ATF7IP: variants seen among roughly 807,000 people sequenced by gnomAD.
ATF7IP encodes the protein activating transcription factor 7-interacting protein 1.
ATF7IP carries 23 observed loss-of-function variants against 106.4 expected under a neutral mutation model. The observed-to-expected ratio is 0.22, with a 90% CI of 0.16 to 0.31. The LOEUF is 0.31. ATF7IP is among the 10% of genes least tolerant of loss of function. The probability of loss-of-function intolerance (pLI) is 1.00; values close to 1 mark genes in which losing one functional copy is unlikely to be tolerated. For synonymous variants in ATF7IP, 542 were observed against 539.0 expected, an observed-to-expected ratio of 1.01 and a Z score of -0.08; for missense variants, 1,334 against 1,524.3, an observed-to-expected ratio of 0.88 and a Z score of 2.08.
intron 2 of ATF7IP, among the ~76,000 whole-genome samples, chr12:14,432,117 T>TGAC (rs1942169421): frequency 2.6e-5 from 4 of 152,164 alleles, no homozygotes; most frequent in African/African-American, 9.7e-5. Context: ...CTAACATGCG[T>TGAC]ATAAAAGAGG....
At chr12:14,474,879 T>G (rs991448488) in intron 10 of ATF7IP, among the ~76,000 whole-genome samples, 5 of 152,326 alleles carry the variant, frequency 3.3e-5, no homozygotes, top group Middle Eastern at 3.4e-3. Flanking sequence ...TGATGATTTT[T>G]GGGATCTTTT....
rs2136812290 is a variant in ATF7IP at position 14,481,112 on chromosome 12, A to G, written c.3207A>G (p.Ala1069=). Residue 1069 remains alanine, a synonymous_variant, in exon 13 of 15, where the codon GCA becomes GCG. Coordinates refer to ENST00000261168, the MANE Select transcript of ATF7IP (RefSeq NM_018179.5). ...AGGTGGTTTATACAACTCTTCCTGC[A>G]CCACCAGCTCAGGCTCCCTTGCGAG... The part of the protein sequence containing the change: ...NHQVVYTTLP[A]PPAQAPLRGT... 2 of 1,614,046 alleles carry G rather than the reference A, an allele frequency of 1.2e-6. No individual in the cohort carries two copies. Among genetic ancestry groups the G allele is most frequent in the African/African-American group, 1.3e-5 (1 of 75,034 alleles).
chr12:14,451,588 C>G (rs1943204649), intron 6 of ATF7IP, among the ~76,000 whole-genome samples: 1 of 149,912 alleles, frequency 6.7e-6, no homozygotes, highest in Non-Finnish European at 1.5e-5. Flanking sequence ...CTGAAGATAT[C>G]TTGTAATTTA....
At chr12:14,389,015 C>T (rs1359942379) in intron 1 of ATF7IP, among the ~76,000 whole-genome samples, 1 of 152,138 alleles carries the variant, frequency 6.6e-6, no homozygotes, top group Non-Finnish European at 1.5e-5. Flanking sequence ...TAAGCATATG[C>T]TCAGAATCAA....
At chr12:14,486,133 G>T (rs1944601882) in intron 13 of ATF7IP, among the ~76,000 whole-genome samples, 3 of 152,086 alleles carry the variant, frequency 2.0e-5, no homozygotes, top group African/African-American at 7.2e-5. Context: ...ATGCATTTTG[G>T]CACTGGGGAA....
chr12:14,474,457 G>A (rs1436874309), intron 10 of ATF7IP, among the ~76,000 whole-genome samples: 1 of 149,404 alleles, frequency 6.7e-6, no homozygotes, highest in African/African-American at 2.5e-5. Flanking sequence ...CTGGAGTGCA[G>A]TCGCGCAATC....
At chr12:14,485,378 C>T (rs1944567543) in intron 13 of ATF7IP, among the ~76,000 whole-genome samples, 1 of 151,838 alleles carries the variant, frequency 6.6e-6, no homozygotes, top group Non-Finnish European at 1.5e-5. Flanking sequence ...TTAGAAGGCC[C>T]CACACCACTG....
intron 9 of ATF7IP, 49 bp downstream of exon 9, chr12:14,461,182 C>G: frequency 6.6e-7 from 1 of 1,506,994 alleles, no homozygotes; most frequent in East Asian, 2.3e-5. Context: ...ATCTTAATAG[C>G]CTTGTAATGA....
intron 1 of ATF7IP, among the ~76,000 whole-genome samples, chr12:14,388,851 GC>G (rs1939393019): frequency 6.6e-6 from 1 of 152,160 alleles, no homozygotes; most frequent in Non-Finnish European, 1.5e-5. Flanking sequence ...TGTTGGCCAA[GC>G]TGGTCTCGAA....
Position 14,460,513 on chromosome 12 carries a change from T to C in ATF7IP, c.2177T>C (p.Val726Ala), listed in dbSNP as rs1305804505. The change falls in exon 9 of 15, where the codon GTC becomes GCC. Residue 726 changes from valine (V) to alanine (A), a missense_variant. By Grantham distance (64) the Val-to-Ala change is moderately conservative. Around this residue, in one of 10 missense-constraint regions of ATF7IP, gnomAD observed 171 missense variants for 172.6 expected, o/e 0.99. Coordinates refer to ENST00000261168, the MANE Select transcript of ATF7IP (RefSeq NM_018179.5). ...PVNTVSSTNL[V>A]TPPAVVSSQP... ...TCTATAGTATCTTCAACCAATCTTG[T>C]CACTCCTCCAGCAGTTGTCAGTAGT... 1 of 1,613,390 alleles carries C rather than the reference T, an allele frequency of 6.2e-7. No individual in the cohort carries two copies. The highest frequency in any genetic ancestry group is 2.2e-5 in the East Asian group (1 of 44,890).
intron 4 of ATF7IP, among the ~76,000 whole-genome samples, chr12:14,436,708 A>T (rs1434343816): frequency 1.3e-5 from 2 of 151,982 alleles, no homozygotes; most frequent in Admixed American, 6.5e-5. Context: ...ATAATAAATA[A>T]ATAAATAAAT....
At chr12:14,396,388 G>A (rs1341890710) in intron 1 of ATF7IP, among the ~76,000 whole-genome samples, 1 of 151,912 alleles carries the variant, frequency 6.6e-6, no homozygotes, top group Non-Finnish European at 1.5e-5. Context: ...ATGTTTCAGG[G>A]GCAGGAACTG....
Position 14,480,957 on chromosome 12 carries a change from C to T in ATF7IP, c.3098-46C>T, listed in dbSNP as rs201559301. 90 of 1,555,226 alleles carry T rather than the reference C, an allele frequency of 5.8e-5. 1 individual carries two copies. Among genetic ancestry groups the T allele is most frequent in the South Asian group, 4.7e-4 (41 of 87,920 alleles). ...CTGCCATTTAATACTGTTTGCTTAA[C>T]GTAGAATTTACTGTATTCTTAATAT... On this transcript the variant is annotated intron_variant, in intron 12 of 14. Transcript: ENST00000261168.
intron 1 of ATF7IP, among the ~76,000 whole-genome samples, chr12:14,389,423 C>A (rs1435153840): frequency 1.3e-5 from 2 of 152,118 alleles, no homozygotes; most frequent in African/African-American, 4.8e-5. Context: ...TGGCTGAGTT[C>A]TTCAAATACA....
intron 13 of ATF7IP, chr12:14,482,399 C>T (rs1944459590): frequency 6.5e-6 from 1 of 153,590 alleles, no homozygotes; most frequent in Non-Finnish European, 1.4e-5. Flanking sequence ...ACTGAATCCC[C>T]AAACTGAAGA....
intron 2 of ATF7IP, among the ~76,000 whole-genome samples, chr12:14,431,009 T>C (rs758106755): frequency 6.6e-6 from 1 of 152,220 alleles, no homozygotes; most frequent in Non-Finnish European, 1.5e-5. Context: ...ATGGTTTTTG[T>C]CCTCCATTTT....
intron 1 of ATF7IP, among the ~76,000 whole-genome samples, chr12:14,405,973 G>A (rs1450087714): frequency 6.6e-6 from 1 of 151,996 alleles, no homozygotes; most frequent in Admixed American, 6.6e-5. Context: ...AAACAAAACT[G>A]GCCAGTATGA....
At chr12:14,478,602 C>T in intron 12 of ATF7IP, 130 bp downstream of exon 12, 1 of 1,011,832 alleles carries the variant, frequency 9.9e-7, no homozygotes, top group Non-Finnish European at 1.4e-6. Context: ...CAGTGCATGT[C>T]CTTTTGAAGG....
intron 10 of ATF7IP, among the ~76,000 whole-genome samples, chr12:14,469,068 A>G (rs11055989): frequency 0.26 from 39,285 of 152,032 alleles, 6,104 homozygotes; most frequent in East Asian, 0.38. Flanking sequence ...TATTTAGATC[A>G]GAAGAAATCT....
Sources: gnomAD v4.1 joint callset for allele counts (sites outside exome capture counted in the v4.1 genomes callset) on GRCh38, gnomAD v4.1.1 for gene constraint, gnomAD v4.1.1 regional missense constraint, MANE v1.5 for transcripts, NCBI Gene and HGNC (gene_info 2026-07-23, HGNC 2026-07-21) for gene names.